Variants in MLLT1 observed in about 807,000 individuals in gnomAD.
MLLT1 encodes MLLT1 super elongation complex subunit, also known as protein ENL.
Under a neutral mutation model 55.1 loss-of-function variants are expected in MLLT1, and 11 were observed. The ratio of observed to expected loss-of-function variants is 0.20; its 90% CI spans 0.13 to 0.33. MLLT1 has a LOEUF of 0.33. Ranked by LOEUF, MLLT1 falls within the 10% of genes least tolerant of loss-of-function variation. The pLI is 1.00. For synonymous variants in MLLT1, 323 were observed against 320.1 expected (o/e 1.01, Z -0.10); for missense variants, 536 against 760.6 (o/e 0.70, Z 3.47).
chr19:6,277,215 A>C (rs115581057), intron 1 of MLLT1, among the ~76,000 whole-genome samples: 1,784 of 152,290 alleles, frequency 0.012, 44 homozygotes, highest in African/African-American at 0.041. Context: ...TGAGGAAGGG[A>C]CAGAACCCTT....
chr19:6,264,361 C>G lies in MLLT1; in HGVS notation c.194-2051G>C, dbSNP rs139859608. Among the ~76,000 whole-genome samples the G allele has an allele frequency of 2.1e-3, 326 of 151,948 alleles. 1 individual carries two copies. Among genetic ancestry groups the G allele is most frequent in the Non-Finnish European group, 3.7e-3 (250 of 67,964 alleles). On this transcript the variant is annotated intron_variant, in intron 2 of 11. Transcript: ENST00000252674. ...AAACTTGCAGCGTGGAAACCAGACC[C>G]CGAGGAAGGCCTTACTCATTAGGAA...
intron 3 of MLLT1, among the ~76,000 whole-genome samples, chr19:6,254,237 C>G (rs1225501786): frequency 6.6e-6 from 1 of 152,238 alleles, no homozygotes; most frequent in African/African-American, 2.4e-5. Flanking sequence ...ACACCTTACA[C>G]AAAGGGGTTC....
intron 3 of MLLT1, among the ~76,000 whole-genome samples, chr19:6,241,468 T>G (rs140337463): frequency 7.2e-6 from 1 of 139,178 alleles, no homozygotes; most frequent in East Asian, 2.0e-4. Context: ...ATCAGGTACA[T>G]GCCGAGATAG....
rs965910405 is a variant in MLLT1 at position 6,237,796 on chromosome 19, C to T, written c.277-7083G>A. Reference sequence around the variant, plus strand: ...AAAAAAAAAAAAGATGCTTAAGAGACGAAGCAATCAAGAGAAATGCTTGGG... The same window carrying T: ...AAAAAAAAAAAAGATGCTTAAGAGATGAAGCAATCAAGAGAAATGCTTGGG... On this transcript the variant is annotated intron_variant, in intron 3 of 11. Transcript: ENST00000252674. 5.3e-5 allele frequency among the ~76,000 whole-genome samples: 8 copies of T among 149,616 alleles called. No homozygotes were observed. In the East Asian group the frequency reaches 9.8e-4, roughly 18 times the overall value.
rs575181433 is a variant in MLLT1 at position 6,231,645 on chromosome 19, G to C, written c.277-932C>G. 2.6e-5 allele frequency among the ~76,000 whole-genome samples: 4 copies of C among 152,136 alleles called. No individual in the cohort carries two copies. In the South Asian group the frequency reaches 8.3e-4, roughly 32 times the overall value. On this transcript the variant is annotated intron_variant, in intron 3 of 11. Transcript: ENST00000252674. The surrounding 1 kb of genome is among the most constrained non-coding windows in gnomAD (Gnocchi z 5.1). ...GCCTCCCAAGCAGCTGGGACTACAG[G>C]CGCCCGCCACCACGTCTGGCTAATT...
chr19:6,254,191 T>TTAATC (rs1178405137), intron 3 of MLLT1, among the ~76,000 whole-genome samples: 3 of 152,130 alleles, frequency 2.0e-5, no homozygotes, highest in Admixed American at 1.3e-4. Flanking sequence ...GGCCAATGGT[T>TTAATC]TAATCAATCA....
intron 2 of MLLT1, among the ~76,000 whole-genome samples, chr19:6,269,513 G>A (rs547591034): frequency 3.0e-4 from 46 of 152,336 alleles, no homozygotes; most frequent in African/African-American, 7.0e-4. Context: ...AAGAGAAGCC[G>A]CAGGCTGAGG....
At position 6,230,780 on chromosome 19, in the gene MLLT1, T is replaced by C. The variant is rs753146328; in HGVS notation, c.277-67A>G. On this transcript the variant is annotated intron_variant, in intron 3 of 11. Coordinates refer to ENST00000252674, the MANE Select transcript of MLLT1 (RefSeq NM_005934.4). The surrounding 1 kb of genome is among the most constrained non-coding windows in gnomAD (Gnocchi z 9.0). ...CGTGGTGCAGGGACACAGCTCCCCA[T>C]TGGCCCTGGTCCTCCCCTCTCCCTC... 2.0e-5 allele frequency: 32 copies of C among 1,584,442 alleles called. No individual in the cohort carries two copies. The Admixed American group carries it at 3.4e-4, about 17-fold the overall frequency.
At chr19:6,244,517 G>A (rs1174977215) in intron 3 of MLLT1, among the ~76,000 whole-genome samples, 1 of 152,282 alleles carries the variant, frequency 6.6e-6, no homozygotes, top group East Asian at 1.9e-4. Context: ...TGGGCCTCAA[G>A]TGTGGCAAAG....
chr19:6,236,205 G>A (rs904608970), intron 3 of MLLT1, among the ~76,000 whole-genome samples: 3 of 152,212 alleles, frequency 2.0e-5, no homozygotes, highest in African/African-American at 7.2e-5. Flanking sequence ...CAGCCACGCA[G>A]CAGTGACACC....
At position 6,227,087 on chromosome 19, in the gene MLLT1, C is replaced by T. The variant is rs1445603115; in HGVS notation, c.436G>A (p.Glu146Lys). The change falls in exon 5 of 12, where the codon GAA becomes AAA. Residue 146 changes from glutamate to lysine, a missense_variant. Transcript: ENST00000252674. The surrounding 1 kb of genome is among the most constrained non-coding windows in gnomAD (Gnocchi z 5.1). ...GGCCTGGACACCGTGTCTGCTCCTT[C>T]GGGCATTACCATCACCTAGTGACAG... The part of the protein sequence containing the change: ...LRAGGVMVMP[E>K]GADTVSRPSP... The T allele has an allele frequency of 9.4e-6, 15 of 1,599,130 alleles. No individual in the cohort carries two copies. Among genetic ancestry groups the T allele is most frequent in the East Asian group, 4.6e-5 (2 of 43,220 alleles).
chr19:6,260,930 T>G (rs752686784), intron 3 of MLLT1, among the ~76,000 whole-genome samples: 2 of 152,028 alleles, frequency 1.3e-5, no homozygotes, highest in Non-Finnish European at 2.9e-5. Context: ...CAGAGGCGAG[T>G]TTAAACTGCC....
intron 5 of MLLT1, among the ~76,000 whole-genome samples, chr19:6,225,037 G>A (rs1404866379): frequency 1.3e-5 from 2 of 152,190 alleles, no homozygotes; most frequent in African/African-American, 2.4e-5. Flanking sequence ...TCAAAATCAC[G>A]TTTGCAAGGT....
In MLLT1 at chr19:6,273,053, G is replaced by C. The variant is rs908891059; in HGVS notation, c.13-2294C>G. 2.0e-5 allele frequency among the ~76,000 whole-genome samples: 3 copies of C among 152,122 alleles called. No homozygotes were observed. The highest frequency in any genetic ancestry group is 2.9e-5 in the Non-Finnish European group (2 of 67,994). On this transcript the variant is annotated intron_variant, in intron 1 of 11. Coordinates refer to ENST00000252674, the MANE Select transcript of MLLT1 (RefSeq NM_005934.4). The surrounding 1 kb of genome is among the most constrained non-coding windows in gnomAD (Gnocchi z 4.3). Reference sequence around the variant, plus strand: ...TGGAGTTCCCTGGGAAAAGAGGGCAGGGACTCCCTAGGGACCAGGCACACT... The same window carrying C: ...TGGAGTTCCCTGGGAAAAGAGGGCACGGACTCCCTAGGGACCAGGCACACT...
chr19:6,227,210 A>C lies in MLLT1; in HGVS notation c.421-108T>G. The stretch of plus-strand genomic sequence containing the variant: ...CCCTCTGCAGGAGGGGAGAAGGGAG[A>C]GCCTGAGCGCTTTCCCGAAAGAATC... On this transcript the variant is annotated intron_variant, in intron 4 of 11. Transcript: ENST00000252674. This position sits in a 1 kb window ranked among gnomAD's most constrained non-coding sequence, Gnocchi z 5.1. The C allele has an allele frequency of 8.3e-7, 1 of 1,209,280 alleles. No homozygotes were observed. Among genetic ancestry groups the C allele is most frequent in the African/African-American group, 1.6e-5 (1 of 62,762 alleles). 74.9% of individuals were successfully genotyped at this position (1,209,280 alleles called of 1,614,324 possible).
chr19:6,255,188 A>G (rs1359076848), intron 3 of MLLT1, among the ~76,000 whole-genome samples: 1 of 152,196 alleles, frequency 6.6e-6, no homozygotes, highest in Non-Finnish European at 1.5e-5. Flanking sequence ...TAGCATTCCA[A>G]AGAATAAAAT....
intron 5 of MLLT1, among the ~76,000 whole-genome samples, chr19:6,224,790 T>C (rs142720851): frequency 0.018 from 2,711 of 152,264 alleles, 39 homozygotes; most frequent in Middle Eastern, 0.051. Context: ...AGTGCAGTGG[T>C]GCGATCTCGG....
chr19:6,257,148 G>T (rs1478517962), intron 3 of MLLT1, among the ~76,000 whole-genome samples: 1 of 152,220 alleles, frequency 6.6e-6, no homozygotes, highest in African/African-American at 2.4e-5. Flanking sequence ...GACACCAAAG[G>T]TGTGAGCGAC....
Position 6,270,804 on chromosome 19 carries a change from A to C in MLLT1, c.13-45T>G, listed in dbSNP as rs1445344042. 6.5e-7 allele frequency: 1 copy of C among 1,548,656 alleles called. No homozygotes were observed. The highest frequency in any genetic ancestry group is 1.8e-5 in the Admixed American group (1 of 54,404). On this transcript the variant is annotated intron_variant, in intron 1 of 11. Transcript: ENST00000252674. This position sits in a 1 kb window ranked among gnomAD's most constrained non-coding sequence, Gnocchi z 7.1. ...GGAGATGAAGTCAGCACACGCCTCCAAGCAGGGGACTGTCCCCTTACCCAC... is the reference window on the plus strand; with the variant it reads ...GGAGATGAAGTCAGCACACGCCTCCCAGCAGGGGACTGTCCCCTTACCCAC...
Sources: gnomAD v4.1 joint callset for allele counts (sites outside exome capture counted in the v4.1 genomes callset) on GRCh38, gnomAD v4.1.1 for gene constraint, Gnocchi (gnomAD v3.1) non-coding constraint, MANE v1.5 for transcripts, NCBI Gene and HGNC (gene_info 2026-07-23, HGNC 2026-07-21) for gene names.